Variants in TTC23L observed in about 807,000 individuals in gnomAD.
The protein encoded by TTC23L is tetratricopeptide repeat protein 23-like.
TTC23L carries 42 observed loss-of-function variants against 48.1 expected under a neutral mutation model. That is an observed-to-expected ratio of 0.87 (90% CI 0.68 to 1.13). The LOEUF is 1.13. TTC23L is among the 50% of genes most tolerant of loss of function. TTC23L has a pLI of 0.00. For missense variants in TTC23L, 391 were observed against 421.0 expected (o/e 0.93, Z 0.62); for synonymous variants, 159 against 157.2 (o/e 1.01, Z -0.09).
intron 2 of TTC23L, among the ~76,000 whole-genome samples, chr5:34,842,242 T>TAATA (rs924033254): frequency 2.6e-5 from 4 of 152,250 alleles, no homozygotes. Context: ...TTATACTCTT[T>TAATA]AAAATACAGC....
intron 9 of TTC23L, among the ~76,000 whole-genome samples, chr5:34,891,441 C>A (rs1309901843): frequency 6.6e-6 from 1 of 152,160 alleles, no homozygotes; most frequent in Non-Finnish European, 1.5e-5. Context: ...CAGTGCCTGG[C>A]AGAGTATGCG....
chr5:34,848,705 C>T (rs1329848451), intron 3 of TTC23L, among the ~76,000 whole-genome samples: 1 of 152,034 alleles, frequency 6.6e-6, no homozygotes, highest in Non-Finnish European at 1.5e-5. Context: ...GTGCACAGCC[C>T]TACATTGGAA....
At chr5:34,901,057 A>G (rs2111902423), downstream of TTC23L, among the ~76,000 whole-genome samples, 1 of 152,282 alleles carries the variant, frequency 6.6e-6, no homozygotes, top group African/African-American at 2.4e-5. Context: ...ATGTGTGTAA[A>G]TTTTGAGAAA....
the TTC23L span, chr5:34,915,749 C>G: frequency 1.9e-6 from 3 of 1,602,938 alleles, no homozygotes; most frequent in African/African-American, 4.0e-5. Context: ...ATGGCGGCAA[C>G]CAAGAGGAAA....
intron 8 of TTC23L, among the ~76,000 whole-genome samples, chr5:34,870,525 G>A (rs1761381459): frequency 6.6e-6 from 1 of 152,084 alleles, no homozygotes; most frequent in African/African-American, 2.4e-5. Flanking sequence ...ATTCTGTCTA[G>A]CATCTAAAGA....
At chr5:34,908,311 T>A in the TTC23L span, 1 of 152,370 alleles carries the variant, frequency 6.6e-6, no homozygotes, top group Non-Finnish European at 1.5e-5. Flanking sequence ...GTAGCTGGCA[T>A]TACAGGCATG....
chr5:34,899,888 CA>C (rs201545220), downstream of TTC23L, among the ~76,000 whole-genome samples: 2 of 151,542 alleles, frequency 1.3e-5, no homozygotes, highest in Non-Finnish European at 2.9e-5. Context: ...GACTGCGTCT[CA>C]AAAAAAACAA....
At chr5:34,841,181 GT>G (rs1183332979) in intron 2 of TTC23L, among the ~76,000 whole-genome samples, 5 of 152,184 alleles carry the variant, frequency 3.3e-5, no homozygotes, top group Non-Finnish European at 7.3e-5. Flanking sequence ...AATTTTAAAA[GT>G]TTTTAAAATA....
At chr5:34,847,746 T>G (rs1759333460) in intron 3 of TTC23L, among the ~76,000 whole-genome samples, 1 of 152,170 alleles carries the variant, frequency 6.6e-6, no homozygotes, top group Non-Finnish European at 1.5e-5. Flanking sequence ...CATGGTGAAC[T>G]CTAAAAAATG....
the TTC23L span, among the ~76,000 whole-genome samples, chr5:34,904,760 C>G: frequency 2.0e-5 from 3 of 152,220 alleles, no homozygotes; most frequent in South Asian, 6.2e-4. Context: ...CAACCAAAAT[C>G]CTTGGACAAA....
intron 3 of TTC23L, 128 bp downstream of exon 3, chr5:34,845,801 C>T: frequency 9.9e-7 from 1 of 1,011,402 alleles, no homozygotes; most frequent in Non-Finnish European, 1.4e-6. Flanking sequence ...TTGTAAGTAG[C>T]AGAAAACAAA....
rs150541698 is a variant in TTC23L at position 34,865,346 on chromosome 5, C to G, written c.662+784C>G. Among the ~76,000 whole-genome samples, 1,110 of 152,224 alleles carry G rather than the reference C, an allele frequency of 7.3e-3. 8 individuals carry two copies. The highest frequency in any genetic ancestry group is 0.011 in the South Asian group (52 of 4,828). The stretch of plus-strand genomic sequence containing the variant: ...GTCATGTCTGCGTCCTCTAAACAAC[C>G]ATGAATCTAGAAGTCAGATGGGAAA... On this transcript the variant is annotated intron_variant, in intron 6 of 10. Coordinates refer to ENST00000505624, the Ensembl canonical transcript of TTC23L.
intron 4 of TTC23L, among the ~76,000 whole-genome samples, chr5:34,862,280 C>A (rs1760729700): frequency 1.3e-5 from 2 of 151,906 alleles, no homozygotes; most frequent in Admixed American, 1.3e-4. Flanking sequence ...GTTGTGTGAC[C>A]AGTTAGTATC....
At chr5:34,845,822 C>G in intron 3 of TTC23L, 149 bp downstream of exon 3, 1 of 773,804 alleles carries the variant, frequency 1.3e-6, no homozygotes, top group South Asian at 2.0e-5. Flanking sequence ...GCAGAGCCTA[C>G]TTAGGTAGCC....
At chr5:34,871,073 A>G (rs73080614) in intron 8 of TTC23L, among the ~76,000 whole-genome samples, 1 of 152,208 alleles carries the variant, frequency 6.6e-6, no homozygotes, top group Non-Finnish European at 1.5e-5. Flanking sequence ...CACTGCTCCT[A>G]TTCAGCAGAG....
At chr5:34,846,512 A>G (rs1333104187) in intron 3 of TTC23L, among the ~76,000 whole-genome samples, 1 of 141,002 alleles carries the variant, frequency 7.1e-6, no homozygotes, top group Non-Finnish European at 1.5e-5. Flanking sequence ...GTGAGCTGAG[A>G]TCATGCCATT....
chr5:34,846,600 T>TATATATATATATATAC lies in TTC23L; in HGVS notation c.255+928_255+929insTATATATATATATACA, dbSNP rs61009546. On this transcript the variant is annotated intron_variant, in intron 3 of 10. Coordinates refer to ENST00000505624, the Ensembl canonical transcript of TTC23L. ...AAATATATATATATATATATATATATACACACACATATATATACACACACA... is the reference window on the plus strand; with the variant it reads ...AAATATATATATATATATATATATATATATATATATATATACACACACACATATATATACACACACA... 1.4e-3 allele frequency among the ~76,000 whole-genome samples: 132 copies of TATATATATATATATAC among 92,876 alleles called. 4 individuals carry two copies. Among genetic ancestry groups the TATATATATATATATAC allele is most frequent in the African/African-American group, 6.4e-3 (123 of 19,184 alleles). 60.9% of individuals were successfully genotyped at this position (92,876 alleles called of 152,430 possible).
At chr5:34,898,528 C>T (rs377620826) in intron 10 of TTC23L, among the ~76,000 whole-genome samples, 4 of 152,144 alleles carry the variant, frequency 2.6e-5, no homozygotes, top group East Asian at 3.9e-4. Flanking sequence ...GAGATGCAGC[C>T]CTCTTACAGT....
At chr5:34,908,780 A>T in the TTC23L span, 1 of 1,602,256 alleles carries the variant, frequency 6.2e-7, no homozygotes, top group Non-Finnish European at 8.5e-7. Flanking sequence ...ACTCAGATTC[A>T]GGAACTTCTT....
Sources: gnomAD v4.1 joint callset for allele counts (sites outside exome capture counted in the v4.1 genomes callset) on GRCh38, gnomAD v4.1.1 for gene constraint, MANE v1.5 for transcripts, NCBI Gene and HGNC (gene_info 2026-07-23, HGNC 2026-07-21) for gene names.